The following PPHLN1 variants were observed in gnomAD, a reference collection of about 807,000 sequenced individuals.
PPHLN1 encodes the protein periphilin-1.
A neutral mutation model predicts 51.3 loss-of-function variants in PPHLN1; 29 were observed. The ratio of observed to expected loss-of-function variants is 0.57; its 90% CI spans 0.42 to 0.77. PPHLN1 has a LOEUF of 0.77. Among genes scored for constraint, PPHLN1 ranks in the 30% least tolerant of loss-of-function variants. PPHLN1 has a pLI of 0.00. For missense variants in PPHLN1, 436 were observed against 438.4 expected (o/e 0.99, Z 0.05); for synonymous variants, 147 against 147.8 (o/e 0.99, Z 0.04).
intron 1 of PPHLN1, among the ~76,000 whole-genome samples, chr12:42,327,753 T>A (rs2069029508): frequency 6.6e-6 from 1 of 152,206 alleles, no homozygotes; most frequent in Non-Finnish European, 1.5e-5. Flanking sequence ...CTCCAGTAGC[T>A]AATACAGTTC....
intron 9 of PPHLN1, among the ~76,000 whole-genome samples, chr12:42,411,933 G>A (rs1432245807): frequency 7.1e-6 from 1 of 141,512 alleles, no homozygotes; most frequent in African/African-American, 2.6e-5. Flanking sequence ...AGGGCTGGGC[G>A]CGGTATCTCA....
intron 6 of PPHLN1, 32 bp downstream of exon 6, chr12:42,385,028 T>C (rs2077077658): frequency 6.4e-7 from 1 of 1,556,030 alleles, no homozygotes; most frequent in African/African-American, 1.4e-5. Flanking sequence ...GATTTGGGAT[T>C]GTGAAGGGGT....
chr12:42,422,738 A>G (rs962380606), intron 9 of PPHLN1, among the ~76,000 whole-genome samples: 5 of 152,216 alleles, frequency 3.3e-5, no homozygotes, highest in Non-Finnish European at 4.4e-5. Flanking sequence ...TTTCTTAGTT[A>G]TAACACTACC....
At chr12:42,446,519 G>A (rs900725718), downstream of PPHLN1, 1 of 1,558,170 alleles carries the variant, frequency 6.4e-7, no homozygotes, top group African/African-American at 1.4e-5. Flanking sequence ...CCACTCCTGG[G>A]GGTCGCTTCT....
Position 42,414,487 on chromosome 12 carries a change from A to G in PPHLN1, c.909+15493A>G, listed in dbSNP as rs564915175. ...ATTCTCCTTGTAGAAATCTTTCATC[A>G]CTCTGGTTAAGGATATTCCTAGGTA... On this transcript the variant is annotated intron_variant, in intron 9 of 9. Coordinates refer to ENST00000358314, the MANE Select transcript of PPHLN1 (RefSeq NM_201439.2). Among the ~76,000 whole-genome samples the G allele has an allele frequency of 2.6e-5, 4 of 151,882 alleles. 1 individual carries two copies. The highest frequency in any genetic ancestry group is 7.2e-5 in the African/African-American group (3 of 41,428).
chr12:42,414,355 A>C (rs917585830), intron 9 of PPHLN1, among the ~76,000 whole-genome samples: 2 of 152,082 alleles, frequency 1.3e-5, no homozygotes, highest in Non-Finnish European at 2.9e-5. Flanking sequence ...TTTAATAGGA[A>C]TTGCATTGAA....
downstream of PPHLN1, chr12:42,446,883 T>C: frequency 2.5e-6 from 1 of 405,990 alleles, no homozygotes; most frequent in East Asian, 3.5e-5. Context: ...TTTATCTAGA[T>C]AAGTTTGTTT....
At chr12:42,364,569 A>C (rs1338517136) in intron 4 of PPHLN1, among the ~76,000 whole-genome samples, 1 of 152,134 alleles carries the variant, frequency 6.6e-6, no homozygotes, top group East Asian at 1.9e-4. Flanking sequence ...GGCTGCAGTG[A>C]GCTGTGATCA....
intron 9 of PPHLN1, chr12:42,399,477 C>T (rs2078589037): frequency 1.1e-6 from 1 of 900,034 alleles, no homozygotes; most frequent in Non-Finnish European, 1.3e-6. Flanking sequence ...TAATGTGCAA[C>T]TATTATGGGG....
At chr12:42,385,782 T>C (rs539843355) in intron 6 of PPHLN1, among the ~76,000 whole-genome samples, 1 of 152,262 alleles carries the variant, frequency 6.6e-6, no homozygotes, top group African/African-American at 2.4e-5. Flanking sequence ...TGCCTACCCT[T>C]TTCTTGAAGG....
chr12:42,446,309 C>T (rs1333206532), downstream of PPHLN1: 2 of 1,554,482 alleles, frequency 1.3e-6, no homozygotes, highest in East Asian at 2.3e-5. Context: ...CCTTTTTATT[C>T]TCTCACTTTG....
At chr12:42,389,925 ATTC>A (rs1181616520) in intron 7 of PPHLN1, among the ~76,000 whole-genome samples, 1 of 152,226 alleles carries the variant, frequency 6.6e-6, no homozygotes, top group Admixed American at 6.5e-5. Flanking sequence ...TCACTATACC[ATTC>A]TTCTCATTCC....
chr12:42,346,102 T>C (rs917288500), intron 2 of PPHLN1, among the ~76,000 whole-genome samples: 5 of 152,150 alleles, frequency 3.3e-5, no homozygotes, highest in African/African-American at 1.2e-4. Context: ...ACACCTAAAA[T>C]TTGTATATTT....
intron 8 of PPHLN1, among the ~76,000 whole-genome samples, 199 bp downstream of exon 8, chr12:42,393,888 C>A (rs1323833971): frequency 6.6e-6 from 1 of 151,936 alleles, no homozygotes; most frequent in Non-Finnish European, 1.5e-5. Context: ...TGAATGTTTC[C>A]TGTAGTTTTG....
In PPHLN1 at chr12:42,417,929, TTTGTTTTTTTTTTG is replaced by T. The variant is rs766523807; in HGVS notation, c.909+18938_909+18951del. Among the ~76,000 whole-genome samples the T allele has an allele frequency of 6.6e-3, 525 of 79,192 alleles. 10 individuals are homozygous for T. The highest frequency in any genetic ancestry group is 0.039 in the Middle Eastern group (4 of 102). 52.0% of individuals were successfully genotyped at this position (79,192 alleles called of 152,430 possible). ...AAAAAAAAAAGCCCTAGTTTTTTTTTTTGTTTTTTTTTTGTTTTTTTTTTTTTTGAGACAGAGTC... is the reference window on the plus strand; with the variant it reads ...AAAAAAAAAAGCCCTAGTTTTTTTTTTTTTTTTTTTTTTTGAGACAGAGTC... On this transcript the variant is annotated intron_variant, in intron 9 of 9. Transcript: ENST00000358314.
At chr12:42,420,271 C>T (rs2080866634) in intron 9 of PPHLN1, among the ~76,000 whole-genome samples, 2 of 151,410 alleles carry the variant, frequency 1.3e-5, no homozygotes, top group East Asian at 1.9e-4. Context: ...TAAATAGTGT[C>T]ATCTTGAATG....
chr12:42,350,465 C>T (rs369343194), intron 2 of PPHLN1, among the ~76,000 whole-genome samples: 28 of 151,198 alleles, frequency 1.9e-4, no homozygotes, highest in Non-Finnish European at 3.2e-4. Context: ...GGAAGAGGCG[C>T]TCCTCACTTC....
intron 3 of PPHLN1, among the ~76,000 whole-genome samples, chr12:42,353,375 G>A (rs904411159): frequency 6.6e-6 from 1 of 152,114 alleles, no homozygotes; most frequent in Non-Finnish European, 1.5e-5. Context: ...TTGGCTGTTG[G>A]AATTAGTTTT....
intron 9 of PPHLN1, among the ~76,000 whole-genome samples, chr12:42,418,277 A>G (rs1332261991): frequency 7.6e-6 from 1 of 132,440 alleles, no homozygotes; most frequent in African/African-American, 2.9e-5. Context: ...AAAATTTCCC[A>G]CCTAAAAGGA....
Sources: gnomAD v4.1 joint callset for allele counts (sites outside exome capture counted in the v4.1 genomes callset) on GRCh38, gnomAD v4.1.1 for gene constraint, MANE v1.5 for transcripts, NCBI Gene and HGNC (gene_info 2026-07-23, HGNC 2026-07-21) for gene names.